The following CCDC149 variants were observed in gnomAD, a reference collection of about 807,000 sequenced individuals.
The protein encoded by CCDC149 is coiled-coil domain containing 149.
A neutral mutation model predicts 59.9 loss-of-function variants in CCDC149; 45 were observed. That is an observed-to-expected ratio of 0.75 (90% CI 0.59 to 0.96). The LOEUF (loss-of-function observed/expected upper bound fraction) is 0.96. Among genes scored for constraint, CCDC149 ranks in the 40% least tolerant of loss-of-function variants. The probability of loss-of-function intolerance (pLI) is 0.00; values close to 1 mark genes in which losing one functional copy is unlikely to be tolerated. For synonymous variants in CCDC149, 245 were observed against 260.6 expected, an observed-to-expected ratio of 0.94 and a Z score of 0.58; for missense variants, 584 against 664.7, an observed-to-expected ratio of 0.88 and a Z score of 1.33.
chr4:24,814,226 T>C (rs577402246), intron 12 of CCDC149, among the ~76,000 whole-genome samples: 61 of 152,332 alleles, frequency 4.0e-4, no homozygotes, highest in Non-Finnish European at 6.6e-4. Flanking sequence ...CCATTACTTG[T>C]GCTCACAATG....
chr4:24,810,446 A>C (rs1212126146), intron 12 of CCDC149, among the ~76,000 whole-genome samples: 2 of 152,178 alleles, frequency 1.3e-5, no homozygotes, highest in African/African-American at 4.8e-5. Flanking sequence ...AAACACTTCC[A>C]AGTCCAGGAC....
At chr4:24,912,764 G>C in intron 1 of CCDC149, 53 bp downstream of exon 1, 1 of 1,176,176 alleles carries the variant, frequency 8.5e-7, no homozygotes, top group Non-Finnish European at 1.1e-6. Flanking sequence ...CGGGCCCGGG[G>C]CTGGCGGCCG....
intron 1 of CCDC149, among the ~76,000 whole-genome samples, chr4:24,959,345 A>G (rs1021113915): frequency 2.0e-5 from 3 of 152,056 alleles, no homozygotes; most frequent in Admixed American, 2.0e-4. Flanking sequence ...CAACCCTAAC[A>G]TCTAACTCAG....
chr4:24,861,946 G>C (rs1248123547), intron 3 of CCDC149, among the ~76,000 whole-genome samples: 1 of 152,124 alleles, frequency 6.6e-6, no homozygotes, highest in African/African-American at 2.4e-5. Context: ...GCAGGAAGAA[G>C]AGTTCTCTAC....
At chr4:24,853,901 C>T (rs1717835894) in intron 3 of CCDC149, among the ~76,000 whole-genome samples, 2 of 152,150 alleles carry the variant, frequency 1.3e-5, no homozygotes, top group African/African-American at 2.4e-5. Flanking sequence ...TTCTTTATTT[C>T]CTTATTCTAC....
At chr4:24,898,272 T>G (rs1720959601) in intron 1 of CCDC149, among the ~76,000 whole-genome samples, 1 of 152,124 alleles carries the variant, frequency 6.6e-6, no homozygotes, top group Non-Finnish European at 1.5e-5. Flanking sequence ...TTTATCATCA[T>G]CTTAACCGAG....
At chr4:24,919,603 G>A (rs143931710) in intron 1 of CCDC149, among the ~76,000 whole-genome samples, 33 of 152,262 alleles carry the variant, frequency 2.2e-4, no homozygotes, top group African/African-American at 7.7e-4. Context: ...AGCATGAATG[G>A]GTGATTATAC....
rs191657252 is a variant in CCDC149 at position 24,892,050 on chromosome 4, A to G, written c.64-15353T>C. Among the ~76,000 whole-genome samples the G allele has an allele frequency of 6.6e-5, 10 of 152,306 alleles. No homozygotes were observed. In the East Asian group the frequency reaches 1.7e-3, roughly 27 times the overall value. Reference sequence around the variant, plus strand: ...ATTCAGTAGTCATCAGGATCATCATAAATAGTAGCGTCAAAATGGATTGTT... The same window carrying G: ...ATTCAGTAGTCATCAGGATCATCATGAATAGTAGCGTCAAAATGGATTGTT... On this transcript the variant is annotated intron_variant, in intron 1 of 12. Transcript: ENST00000635206.
rs190208932 is a variant in CCDC149, at chr4:24,907,270, C to A, written c.63+5547G>T. Reference sequence around the variant, plus strand: ...CTATGAGGTAGGTACTTTTACTACCCTATTTAAAGACGAGAAAAATGAGGG... The same window carrying A: ...CTATGAGGTAGGTACTTTTACTACCATATTTAAAGACGAGAAAAATGAGGG... On this transcript the variant is annotated intron_variant, in intron 1 of 12. Coordinates refer to ENST00000635206, the MANE Select transcript of CCDC149 (RefSeq NM_001330643.2). 7.5e-4 allele frequency among the ~76,000 whole-genome samples: 114 copies of A among 152,224 alleles called. No individual in the cohort carries two copies. In the South Asian group the frequency reaches 0.015, roughly 20 times the overall value.
At chr4:24,970,830 A>C (rs779009761) in intron 1 of CCDC149, among the ~76,000 whole-genome samples, 2 of 152,012 alleles carry the variant, frequency 1.3e-5, no homozygotes, top group African/African-American at 2.4e-5. Context: ...TTGTGAGTGC[A>C]ATGAGCCCCC....
At position 24,876,589 on chromosome 4, in the gene CCDC149, T is replaced by A; in HGVS notation, c.172A>T (p.Asn58Tyr). The A allele has an allele frequency of 6.2e-7, 1 of 1,614,168 alleles. No homozygotes were observed. The stretch of plus-strand genomic sequence containing the variant: ...GACTGGTGGCGCTCCCGGAGCTGAT[T>A]GGCCATGAGTTTGTACTGGTCCCTT... Residue 58 changes from asparagine (N) to tyrosine (Y), a missense_variant, in exon 2 of 13, where the codon AAT becomes TAT. Coordinates refer to ENST00000635206, the MANE Select transcript of CCDC149 (RefSeq NM_001330643.2).
rs1714304805 is a variant in CCDC149, at chr4:24,807,804, C to G, written c.*585G>C. On this transcript the variant is annotated 3_prime_UTR_variant, in exon 13 of 13. Coordinates refer to ENST00000635206, the MANE Select transcript of CCDC149 (RefSeq NM_001330643.2). Reference sequence around the variant, plus strand: ...CCAAACTTCTCAGCCGGCTTAAGGCCCCTTCCAACTGCCAGTCTGTACCAC... The same window carrying G: ...CCAAACTTCTCAGCCGGCTTAAGGCGCCTTCCAACTGCCAGTCTGTACCAC... 6.6e-6 allele frequency: 1 copy of G among 152,236 alleles called. No homozygotes were observed. The highest frequency in any genetic ancestry group is 1.5e-5 in the Non-Finnish European group (1 of 68,090). 9.4% of individuals were successfully genotyped at this position (152,236 alleles called of 1,614,324 possible). A position where few individuals can be genotyped will look rare whatever the true frequency, so the allele number is the denominator to read the frequency against.
intron 1 of CCDC149, among the ~76,000 whole-genome samples, chr4:24,877,403 T>G (rs1719532069): frequency 6.6e-6 from 1 of 152,154 alleles, no homozygotes; most frequent in Non-Finnish European, 1.5e-5. Flanking sequence ...AGGCTGGTCT[T>G]GAATTCCTGA....
chr4:24,960,617 C>T (rs1723611405), intron 1 of CCDC149, among the ~76,000 whole-genome samples: 1 of 152,060 alleles, frequency 6.6e-6, no homozygotes, highest in South Asian at 2.1e-4. Context: ...ATACGAATAT[C>T]ACATAAAATG....
intron 1 of CCDC149, 124 bp downstream of exon 1, chr4:24,912,693 C>T: frequency 3.4e-6 from 2 of 596,576 alleles, no homozygotes; most frequent in Non-Finnish European, 2.3e-6. Context: ...GTGCGGCAGC[C>T]GCGGCCACTT....
At chr4:24,841,108 C>T (rs1277760221) in intron 4 of CCDC149, among the ~76,000 whole-genome samples, 4 of 152,114 alleles carry the variant, frequency 2.6e-5, no homozygotes, top group South Asian at 2.1e-4. Flanking sequence ...GGAAGGCAAA[C>T]GACAAGCCAA....
intron 1 of CCDC149, among the ~76,000 whole-genome samples, chr4:24,884,091 C>A (rs571626157): frequency 1.2e-4 from 19 of 152,210 alleles, no homozygotes; most frequent in Non-Finnish European, 5.9e-5. Context: ...GGGAGACAGG[C>A]AGCTCTCCTG....
At chr4:24,958,848 A>G (rs1459753105) in intron 1 of CCDC149, among the ~76,000 whole-genome samples, 4 of 152,062 alleles carry the variant, frequency 2.6e-5, no homozygotes, top group Non-Finnish European at 5.9e-5. Context: ...CCTGGCCAAC[A>G]TGGCGAAAAC....
At chr4:24,877,860 A>C (rs532811753) in intron 1 of CCDC149, among the ~76,000 whole-genome samples, 1 of 152,288 alleles carries the variant, frequency 6.6e-6, no homozygotes, top group South Asian at 2.1e-4. Context: ...CATGGGCCCG[A>C]ACAGGACTCT....
Sources: gnomAD v4.1 joint callset for allele counts (sites outside exome capture counted in the v4.1 genomes callset) on GRCh38, gnomAD v4.1.1 for gene constraint, MANE v1.5 for transcripts, NCBI Gene and HGNC (gene_info 2026-07-23, HGNC 2026-07-21) for gene names.